The following RAD51B variants were observed in gnomAD, a reference collection of about 807,000 sequenced individuals.
RAD51B encodes RAD51 paralog B.
Under a neutral mutation model 42.2 loss-of-function variants are expected in RAD51B, and 38 were observed. The observed-to-expected ratio is 0.90, with a 90% CI of 0.70 to 1.18. The LOEUF (loss-of-function observed/expected upper bound fraction) is 1.18. Ranked by LOEUF, RAD51B falls within the 50% of genes most tolerant of loss-of-function variation. The probability of loss-of-function intolerance (pLI) is 0.00; values close to 1 mark genes in which losing one functional copy is unlikely to be tolerated. For missense variants in RAD51B, 373 were observed against 400.7 expected, an observed-to-expected ratio of 0.93 and a Z score of 0.59; for synonymous variants, 154 against 145.2, an observed-to-expected ratio of 1.06 and a Z score of -0.43.
chr14:68,212,363 A>G, intron 7 of RAD51B, among the ~76,000 whole-genome samples: 1 of 152,232 alleles, frequency 6.6e-6, no homozygotes, highest in East Asian at 1.9e-4. Flanking sequence ...CTGTTTTGAG[A>G]ATTAAATTAG....
intron 4 of RAD51B, among the ~76,000 whole-genome samples, chr14:67,854,888 C>A (rs1753855264): frequency 6.6e-6 from 1 of 152,086 alleles, no homozygotes; most frequent in South Asian, 2.1e-4. Flanking sequence ...ATCACTTGAG[C>A]CAGGAGTTCA....
chr14:68,298,025 C>T (rs575403532), intron 8 of RAD51B, among the ~76,000 whole-genome samples: 41 of 152,344 alleles, frequency 2.7e-4, no homozygotes, highest in African/African-American at 9.4e-4. Context: ...GGGCACACGC[C>T]GGCCAGTGCT....
chr14:68,199,379 C>T (rs2079437653), intron 7 of RAD51B, among the ~76,000 whole-genome samples: 1 of 152,220 alleles, frequency 6.6e-6, no homozygotes, highest in Non-Finnish European at 1.5e-5. Context: ...ATCTTTTTCA[C>T]ATGAACTCTT....
chr14:67,995,810 G>C (rs1266511859), intron 7 of RAD51B, among the ~76,000 whole-genome samples: 2 of 151,736 alleles, frequency 1.3e-5, no homozygotes, highest in African/African-American at 4.8e-5. Context: ...GTAGAGACGA[G>C]GTTTCACCGT....
intron 7 of RAD51B, among the ~76,000 whole-genome samples, chr14:68,144,103 A>C (rs1040328327): frequency 2.0e-5 from 3 of 152,148 alleles, no homozygotes; most frequent in African/African-American, 7.2e-5. Flanking sequence ...GGATAACCAG[A>C]GCCTCTGTAC....
intron 7 of RAD51B, among the ~76,000 whole-genome samples, chr14:68,039,155 G>T (rs183458080): frequency 3.3e-5 from 5 of 152,226 alleles, no homozygotes; most frequent in Admixed American, 2.6e-4. Flanking sequence ...ATCTGGCCGG[G>T]TGCGGTGGCT....
chr14:68,309,381 T>C, intron 8 of RAD51B, among the ~76,000 whole-genome samples: 1 of 152,170 alleles, frequency 6.6e-6, no homozygotes, highest in East Asian at 1.9e-4. Flanking sequence ...CACAGAGGCA[T>C]CATTACTCAT....
chr14:67,928,434 T>C lies in RAD51B; in HGVS notation c.756+41230T>C, dbSNP rs2044604699. ...TGTGCGGTGGCAAAGTAGTTAGTTA[T>C]ATTAGCAGGCTGGAGGAGGCGGTGT... On this transcript the variant is annotated intron_variant, in intron 7 of 10. Coordinates refer to ENST00000471583, the MANE Select transcript of RAD51B (RefSeq NM_133510.4). Among the ~76,000 whole-genome samples, 5 of 152,258 alleles carry C rather than the reference T, an allele frequency of 3.3e-5. No individual in the cohort carries two copies. In the South Asian group the frequency reaches 1.0e-3, roughly 32 times the overall value.
At chr14:68,215,127 T>C (rs542800100) in intron 7 of RAD51B, among the ~76,000 whole-genome samples, 1 of 152,342 alleles carries the variant, frequency 6.6e-6, no homozygotes, top group East Asian at 1.9e-4. Flanking sequence ...TCCTGAGTTA[T>C]CATCATAATA....
chr14:67,822,596 G>A (rs536965321), intron 1 of RAD51B, among the ~76,000 whole-genome samples: 3 of 152,148 alleles, frequency 2.0e-5, no homozygotes, highest in Non-Finnish European at 4.4e-5. Flanking sequence ...GGTGGTGCAC[G>A]CTTGTGGTCC....
At chr14:68,187,037 A>C (rs2079172569) in intron 7 of RAD51B, among the ~76,000 whole-genome samples, 1 of 152,212 alleles carries the variant, frequency 6.6e-6, no homozygotes, top group Non-Finnish European at 1.5e-5. Flanking sequence ...AAAAAGAATG[A>C]AGTCATGTCC....
At chr14:68,073,463 G>C (rs911225765) in intron 7 of RAD51B, among the ~76,000 whole-genome samples, 1 of 152,126 alleles carries the variant, frequency 6.6e-6, no homozygotes, top group African/African-American at 2.4e-5. Flanking sequence ...GTTAGGTCTT[G>C]CTTATTTATT....
At position 68,317,068 on chromosome 14, in the gene RAD51B, G is replaced by A. The variant is rs115920390; in HGVS notation, c.853+25088G>A. ...AAGAGGGCCACCCAGGAAACTATTT[G>A]AGACAATTAAGTCTCAAGCTTCTCA... On this transcript the variant is annotated intron_variant, in intron 8 of 10. Coordinates refer to ENST00000471583, the MANE Select transcript of RAD51B (RefSeq NM_133510.4). Among the ~76,000 whole-genome samples, 889 of 152,222 alleles carry A rather than the reference G, an allele frequency of 5.8e-3. 16 individuals are homozygous for A. The highest frequency in any genetic ancestry group is 0.021 in the African/African-American group (855 of 41,540).
intron 10 of RAD51B, among the ~76,000 whole-genome samples, chr14:68,649,078 A>G (rs143519165): frequency 1.6e-3 from 239 of 152,298 alleles, no homozygotes; most frequent in Middle Eastern, 3.4e-3. Flanking sequence ...AAAGGATTAA[A>G]ACATTTTAAA....
chr14:68,495,618 C>T (rs946381758), intron 10 of RAD51B, among the ~76,000 whole-genome samples: 15 of 147,538 alleles, frequency 1.0e-4, no homozygotes, highest in Admixed American at 1.3e-4. Flanking sequence ...TGGTAACTGA[C>T]GACACACTGT....
chr14:67,996,283 C>T (rs1318186862), intron 7 of RAD51B, among the ~76,000 whole-genome samples: 1 of 151,828 alleles, frequency 6.6e-6, no homozygotes, highest in African/African-American at 2.4e-5. Context: ...TTGGTCCCAG[C>T]TACGTGGGAG....
intron 9 of RAD51B, among the ~76,000 whole-genome samples, chr14:68,462,666 C>T (rs1365544342): frequency 6.6e-6 from 1 of 152,186 alleles, no homozygotes; most frequent in Admixed American, 6.5e-5. Flanking sequence ...GCTGAGATTA[C>T]AGGCCCGACA....
intron 7 of RAD51B, among the ~76,000 whole-genome samples, chr14:68,159,900 T>C (rs1473285028): frequency 6.6e-6 from 1 of 152,208 alleles, no homozygotes; most frequent in African/African-American, 2.4e-5. Flanking sequence ...TTCAATGGGC[T>C]TGTCATTGGG....
At chr14:67,976,795 A>G (rs2140262857) in intron 7 of RAD51B, among the ~76,000 whole-genome samples, 1 of 152,332 alleles carries the variant, frequency 6.6e-6, no homozygotes, top group Middle Eastern at 3.4e-3. Context: ...AGAATGGGAG[A>G]AAATTTTTGC....
Sources: gnomAD v4.1 joint callset for allele counts (sites outside exome capture counted in the v4.1 genomes callset) on GRCh38, gnomAD v4.1.1 for gene constraint, MANE v1.5 for transcripts, NCBI Gene and HGNC (gene_info 2026-07-23, HGNC 2026-07-21) for gene names.